HMCES: variants seen among roughly 807,000 people sequenced by gnomAD.
HMCES encodes the protein abasic site processing protein HMCES.
HMCES carries 27 observed loss-of-function variants against 35.1 expected under a neutral mutation model. The observed-to-expected ratio is 0.77, with a 90% CI of 0.57 to 1.06. The LOEUF is 1.06. Ranked by LOEUF, HMCES falls within the 50% of genes least tolerant of loss-of-function variation. The pLI is 0.00. For missense variants in HMCES, 391 were observed against 430.4 expected (o/e 0.91, Z 0.81); for synonymous variants, 130 against 154.7 (o/e 0.84, Z 1.18).
Position 129,304,532 on chromosome 3 carries a change from T to C in HMCES, c.829-57T>C, listed in dbSNP as rs1330421217. 6.5e-5 allele frequency: 94 copies of C among 1,449,012 alleles called. 1 individual carries two copies. The East Asian group carries it at 2.1e-3, about 33-fold the overall frequency. 89.8% of individuals were successfully genotyped at this position (1,449,012 alleles called of 1,614,324 possible). On this transcript the variant is annotated intron_variant, in intron 6 of 6. Transcript: ENST00000383463. The stretch of plus-strand genomic sequence containing the variant: ...CTTCCCCTGTTTCTTCCCTTGGACT[T>C]GGCCTTTTCCCAAAAGCTTGAGCTG...
intron 6 of HMCES, 148 bp from the exon 7 acceptor site, chr3:129,304,441 C>T (rs143472796): frequency 2.4e-4 from 167 of 701,776 alleles, no homozygotes; most frequent in African/African-American, 1.5e-3. Flanking sequence ...TCTTTCCACT[C>T]TTGACTGGTG....
chr3:129,287,390 AT>A (rs550802784), intron 2 of HMCES, among the ~76,000 whole-genome samples: 1,510 of 141,332 alleles, frequency 0.011, 10 homozygotes, highest in African/African-American at 0.028. Flanking sequence ...CACCAGAATA[AT>A]TTTTTTTTTT....
In HMCES at chr3:129,286,180, T is replaced by C. The variant is rs539181904; in HGVS notation, c.184-2674T>C. 2.5e-4 allele frequency among the ~76,000 whole-genome samples: 38 copies of C among 152,362 alleles called. 1 individual carries two copies. The South Asian group carries it at 7.5e-3, about 30-fold the overall frequency. On this transcript the variant is annotated intron_variant, in intron 2 of 6. Transcript: ENST00000383463. ...TAGACCACAGCTGCTATGGTTTGAA[T>C]GTTTGTGTCCTTGAAAAATGCATAT...
At position 129,304,691 on chromosome 3, in the gene HMCES, G is replaced by A; in HGVS notation, c.931G>A (p.Val311Ile). ...AACACCTCAAAAGGAAGAGTCAGAT[G>A]TTCCCCAGTGGTCCAGTCAGTTCCT... ...SKTPQKEESDVPQWSSQFLQK... is the reference protein window; with the variant it reads ...SKTPQKEESDIPQWSSQFLQK... Residue 311 changes from valine to isoleucine, a missense_variant, in exon 7 of 7, where the codon GTT becomes ATT. Transcript: ENST00000383463. 1 of 1,614,186 alleles carries A rather than the reference G, an allele frequency of 6.2e-7. No individual in the cohort carries two copies. Among genetic ancestry groups the A allele is most frequent in the Non-Finnish European group, 8.5e-7 (1 of 1,180,032 alleles).
intron 5 of HMCES, among the ~76,000 whole-genome samples, chr3:129,300,379 T>C (rs2071148316): frequency 6.6e-6 from 1 of 152,168 alleles, no homozygotes; most frequent in Non-Finnish European, 1.5e-5. Context: ...AAAATTTGCA[T>C]TGTGCTCCAA....
Position 129,279,641 on chromosome 3 carries a change from G to A in HMCES, c.-23-69G>A. ...CCCTGTGGGAACGGAAAGAGAAGGC[G>A]GGGACTCAAGGAATAAGACCTAATA... is the stretch of plus-strand genomic sequence containing the variant. On this transcript the variant is annotated intron_variant, in intron 1 of 6. Coordinates refer to ENST00000383463, the MANE Select transcript of HMCES (RefSeq NM_020187.3). The surrounding 1 kb of genome is among the most constrained non-coding windows in gnomAD (Gnocchi z 4.2). 6.9e-7 allele frequency: 1 copy of A among 1,446,202 alleles called. No individual in the cohort carries two copies. Among genetic ancestry groups the A allele is most frequent in the Non-Finnish European group, 9.4e-7 (1 of 1,058,486 alleles). The allele number at this position is 1,446,202 out of a possible 1,614,324, so 89.6% of individuals were successfully genotyped here. A position where few individuals can be genotyped will look rare whatever the true frequency, so the allele number is the denominator to read the frequency against.
chr3:129,294,510 A>G (rs2071068419), intron 4 of HMCES, among the ~76,000 whole-genome samples: 1 of 152,232 alleles, frequency 6.6e-6, no homozygotes, highest in African/African-American at 2.4e-5. Context: ...CTGTCTTTAT[A>G]CACTACATTA....
intron 2 of HMCES, among the ~76,000 whole-genome samples, chr3:129,281,741 G>A (rs1199848312): frequency 1.3e-5 from 2 of 151,938 alleles, no homozygotes; most frequent in Non-Finnish European, 2.9e-5. Context: ...GCTCACGCCT[G>A]TAATCTCAGC....
At chr3:129,286,159 C>A (rs1330420495) in intron 2 of HMCES, among the ~76,000 whole-genome samples, 2 of 152,216 alleles carry the variant, frequency 1.3e-5, no homozygotes, top group Admixed American at 1.3e-4. Flanking sequence ...TCTTATTAGA[C>A]CACAGCTGCT....
At chr3:129,300,706 C>T (rs1215986430) in intron 5 of HMCES, among the ~76,000 whole-genome samples, 1 of 151,610 alleles carries the variant, frequency 6.6e-6, no homozygotes, top group Non-Finnish European at 1.5e-5. Flanking sequence ...ACCATCCTGG[C>T]GAACACTGTG....
intron 3 of HMCES, among the ~76,000 whole-genome samples, chr3:129,290,186 G>A (rs1393618014): frequency 8.9e-5 from 11 of 123,782 alleles, no homozygotes; most frequent in African/African-American, 1.7e-4. Flanking sequence ...GCAAGACTCC[G>A]TCTCAAAAAA....
At position 129,288,850 on chromosome 3, in the gene HMCES, G is replaced by T; in HGVS notation, c.184-4G>T. On this transcript the variant is annotated splice_polypyrimidine_tract_variant and splice_region_variant and intron_variant, in intron 2 of 6. Coordinates refer to ENST00000383463, the MANE Select transcript of HMCES (RefSeq NM_020187.3). Reference sequence around the variant, plus strand: ...CTCCTCACTAGATCTTCTCTCCGTGGCAGGATGCAGACTCATCTGAGCGTA... The same window carrying T: ...CTCCTCACTAGATCTTCTCTCCGTGTCAGGATGCAGACTCATCTGAGCGTA... 1 of 1,503,400 alleles carries T rather than the reference G, an allele frequency of 6.7e-7. No individual in the cohort carries two copies. Among genetic ancestry groups the T allele is most frequent in the Non-Finnish European group, 9.0e-7 (1 of 1,106,450 alleles). 93.1% of individuals were successfully genotyped at this position (1,503,400 alleles called of 1,614,324 possible).
intron 3 of HMCES, among the ~76,000 whole-genome samples, chr3:129,289,463 G>T (rs1388994570): frequency 6.6e-6 from 1 of 152,186 alleles, no homozygotes; most frequent in Non-Finnish European, 1.5e-5. Flanking sequence ...GAAGATATAA[G>T]CCTTTGTCTT....
At chr3:129,293,561 C>CTTTT (rs60989412) in intron 4 of HMCES, among the ~76,000 whole-genome samples, 17 of 86,702 alleles carry the variant, frequency 2.0e-4, no homozygotes, top group Non-Finnish European at 3.5e-4. Flanking sequence ...TACATTAATT[C>CTTTT]TTTTTTTTTT....
intron 6 of HMCES, 61 bp downstream of exon 6, chr3:129,302,203 T>G: frequency 7.0e-7 from 1 of 1,419,858 alleles, no homozygotes; most frequent in Non-Finnish European, 9.6e-7. Context: ...AGTGTTCTCT[T>G]TCTTTCAGGA....
chr3:129,291,829 G>T (rs1560075362), intron 4 of HMCES, among the ~76,000 whole-genome samples: 1 of 152,188 alleles, frequency 6.6e-6, no homozygotes, highest in Non-Finnish European at 1.5e-5. Flanking sequence ...GGTTGCTCAT[G>T]CCTGTAATCC....
intron 3 of HMCES, among the ~76,000 whole-genome samples, chr3:129,290,060 G>T (rs1002425532): frequency 6.6e-6 from 1 of 151,536 alleles, no homozygotes; most frequent in South Asian, 2.1e-4. Flanking sequence ...GGTGGCGGAC[G>T]CCTGTAGTCC....
intron 5 of HMCES, among the ~76,000 whole-genome samples, chr3:129,300,835 C>G (rs2071154139): frequency 6.6e-6 from 1 of 152,070 alleles, no homozygotes; most frequent in Non-Finnish European, 1.5e-5. Context: ...TCGAGACCAT[C>G]CTGGCTAACA....
intron 5 of HMCES, among the ~76,000 whole-genome samples, chr3:129,298,831 G>T (rs1374363568): frequency 6.6e-6 from 1 of 152,158 alleles, no homozygotes; most frequent in African/African-American, 2.4e-5. Context: ...TTTTATACAT[G>T]TTAGGTGGTT....
Sources: gnomAD v4.1 joint callset for allele counts (sites outside exome capture counted in the v4.1 genomes callset) on GRCh38, gnomAD v4.1.1 for gene constraint, Gnocchi (gnomAD v3.1) non-coding constraint, MANE v1.5 for transcripts, NCBI Gene and HGNC (gene_info 2026-07-23, HGNC 2026-07-21) for gene names.